Variants in GLIS1 observed in about 807,000 individuals in gnomAD.
The protein encoded by GLIS1 is zinc finger protein GLIS1.
A neutral mutation model predicts 63.8 loss-of-function variants in GLIS1; 24 were observed. That is an observed-to-expected ratio of 0.38 (90% CI 0.27 to 0.53). The LOEUF (loss-of-function observed/expected upper bound fraction) is 0.53. Among genes scored for constraint, GLIS1 ranks in the 20% least tolerant of loss-of-function variants. The pLI, the probability that GLIS1 is intolerant of heterozygous loss-of-function variation, is 0.85. For missense variants in GLIS1, 1,036 were observed against 1,074.1 expected (o/e 0.96, Z 0.50); for synonymous variants, 450 against 482.5 (o/e 0.93, Z 0.88).
chr1:53,738,671 C>T (rs1004466964), intron 1 of GLIS1, among the ~76,000 whole-genome samples: 8 of 152,308 alleles, frequency 5.3e-5, no homozygotes, highest in African/African-American at 1.9e-4. Flanking sequence ...GAGTCCCAAG[C>T]TGGGCGCTGA....
intron 4 of GLIS1, among the ~76,000 whole-genome samples, chr1:53,552,410 CCCTT>C (rs1405055548): frequency 2.6e-5 from 4 of 152,188 alleles, no homozygotes; most frequent in Non-Finnish European, 5.9e-5. Flanking sequence ...TCTCAGGTCT[CCCTT>C]CCCACATTCC....
chr1:53,601,270 CCT>C (rs1645315034), intron 2 of GLIS1, among the ~76,000 whole-genome samples: 1 of 152,158 alleles, frequency 6.6e-6, no homozygotes, highest in African/African-American at 2.4e-5. Flanking sequence ...ATGCTGTGAG[CCT>C]CTGAGAGCAG....
chr1:53,615,144 T>G (rs963173303), intron 2 of GLIS1, among the ~76,000 whole-genome samples: 2 of 152,158 alleles, frequency 1.3e-5, no homozygotes, highest in Non-Finnish European at 2.9e-5. Flanking sequence ...TCCCTGTCCC[T>G]CCTGGCCCAC....
chr1:53,514,648 G>T lies in GLIS1; in HGVS notation c.1860C>A (p.Pro620=). The change falls in exon 8 of 11, where the codon CCC becomes CCA. Residue 620 remains proline (P), a synonymous_variant. Coordinates refer to ENST00000628545, the MANE Select transcript of GLIS1 (RefSeq NM_001367484.1). ...TSSHHHLSPL[P]MAESTRDGLG... Reference sequence around the variant, plus strand: ...ACCCATCCCGGGTGCTCTCAGCCATGGGCAGAGGGGACAGATGGTGGTGGG... The same window carrying T: ...ACCCATCCCGGGTGCTCTCAGCCATTGGCAGAGGGGACAGATGGTGGTGGG... 1.2e-6 allele frequency: 2 copies of T among 1,613,768 alleles called. No homozygotes were observed. The highest frequency in any genetic ancestry group is 2.7e-5 in the African/African-American group (2 of 74,994).
intron 10 of GLIS1, among the ~76,000 whole-genome samples, chr1:53,508,206 C>T (rs576048227): frequency 5.9e-5 from 9 of 152,342 alleles, no homozygotes; most frequent in African/African-American, 1.4e-4. Context: ...CTGACACTCA[C>T]GGGGCGCATG....
At chr1:53,562,903 T>A (rs1049778048) in intron 4 of GLIS1, among the ~76,000 whole-genome samples, 1 of 152,228 alleles carries the variant, frequency 6.6e-6, no homozygotes, top group Non-Finnish European at 1.5e-5. Context: ...TTATTTCCTA[T>A]GATTTTTACA....
chr1:53,537,607 G>T (rs1229274006), intron 4 of GLIS1, among the ~76,000 whole-genome samples: 1 of 152,202 alleles, frequency 6.6e-6, no homozygotes, highest in Non-Finnish European at 1.5e-5. Context: ...GTAAATAAAA[G>T]AATATGCCCA....
At chr1:53,628,983 C>A (rs1201917210) in intron 2 of GLIS1, among the ~76,000 whole-genome samples, 1 of 152,142 alleles carries the variant, frequency 6.6e-6, no homozygotes, top group Non-Finnish European at 1.5e-5. Flanking sequence ...AAAAATAAAT[C>A]TGGGCTCTGC....
intron 4 of GLIS1, among the ~76,000 whole-genome samples, chr1:53,535,795 C>A (rs113020391): frequency 0.019 from 2,854 of 152,114 alleles, 118 homozygotes; most frequent in African/African-American, 0.062. Flanking sequence ...AAGACTTAAG[C>A]CCATAGCTCT....
intron 10 of GLIS1, 113 bp downstream of exon 10, chr1:53,509,007 T>C: frequency 1.9e-6 from 2 of 1,069,924 alleles, no homozygotes; most frequent in Non-Finnish European, 1.3e-6. Flanking sequence ...AAAGTGGGGA[T>C]GGCCCCACCA....
chr1:53,696,153 G>A, intron 2 of GLIS1, among the ~76,000 whole-genome samples: 1 of 152,256 alleles, frequency 6.6e-6, no homozygotes, highest in Non-Finnish European at 1.5e-5. Flanking sequence ...AGCGGTTAAT[G>A]CTTTGCTCGG....
At chr1:53,626,517 T>C (rs115685989) in intron 2 of GLIS1, among the ~76,000 whole-genome samples, 106 of 152,326 alleles carry the variant, frequency 7.0e-4, no homozygotes, top group Non-Finnish European at 1.3e-3. Context: ...CTCACAATCA[T>C]ACCATCCTGC....
In GLIS1 at chr1:53,574,997, C is replaced by G. The variant is rs10788958; in HGVS notation, c.1320+19111G>C. On this transcript the variant is annotated intron_variant, in intron 4 of 10. Transcript: ENST00000628545. The surrounding 1 kb of genome is among the most constrained non-coding windows in gnomAD (Gnocchi z 4.2). Reference sequence around the variant, plus strand: ...TCTGGGCCCTCACTGGACACCTTGGCCCAACACAGAGGATACTTGGGCCAA... The same window carrying G: ...TCTGGGCCCTCACTGGACACCTTGGGCCAACACAGAGGATACTTGGGCCAA... 0.51 allele frequency among the ~76,000 whole-genome samples: 77,188 copies of G among 152,014 alleles called. 23,101 individuals are homozygous for G. Among genetic ancestry groups the G allele is most frequent in the Admixed American group, 0.65 (9,987 of 15,288 alleles).
chr1:53,517,379 G>A (rs1644363394), intron 7 of GLIS1, among the ~76,000 whole-genome samples: 1 of 152,212 alleles, frequency 6.6e-6, no homozygotes, highest in South Asian at 2.1e-4. Context: ...CCAGCTTGGG[G>A]GAAGGTGCCT....
intron 2 of GLIS1, among the ~76,000 whole-genome samples, chr1:53,683,206 A>C (rs946256888): frequency 6.6e-6 from 1 of 152,142 alleles, no homozygotes; most frequent in Non-Finnish European, 1.5e-5. Context: ...TGCACTGTGG[A>C]TATACACCAT....
At chr1:53,667,125 C>T (rs181166147) in intron 2 of GLIS1, among the ~76,000 whole-genome samples, 13 of 152,314 alleles carry the variant, frequency 8.5e-5, no homozygotes, top group African/African-American at 2.9e-4. Context: ...AAAAGAGATT[C>T]GAAGGACTAA....
intron 2 of GLIS1, among the ~76,000 whole-genome samples, chr1:53,706,350 C>A (rs1317743460): frequency 6.6e-6 from 1 of 152,218 alleles, no homozygotes; most frequent in Non-Finnish European, 1.5e-5. Context: ...ATGACAGAGT[C>A]TGGCACACAG....
chr1:53,542,897 C>T (rs762351386), intron 4 of GLIS1, among the ~76,000 whole-genome samples: 45 of 152,210 alleles, frequency 3.0e-4, no homozygotes, highest in Non-Finnish European at 6.0e-4. Flanking sequence ...TGAGTCTGGG[C>T]TGGCCCTGAG....
At chr1:53,649,698 G>T (rs1042951495) in intron 2 of GLIS1, among the ~76,000 whole-genome samples, 1 of 152,192 alleles carries the variant, frequency 6.6e-6, no homozygotes, top group Non-Finnish European at 1.5e-5. Context: ...GCAAACAGAT[G>T]ATGTAAACTT....
Sources: gnomAD v4.1 joint callset for allele counts (sites outside exome capture counted in the v4.1 genomes callset) on GRCh38, gnomAD v4.1.1 for gene constraint, Gnocchi (gnomAD v3.1) non-coding constraint, MANE v1.5 for transcripts, NCBI Gene and HGNC (gene_info 2026-07-23, HGNC 2026-07-21) for gene names.